Variants in CDYL2 observed in about 807,000 individuals in gnomAD.
The protein encoded by CDYL2 is chromodomain Y like 2, also known as chromodomain Y-like protein 2.
A neutral mutation model predicts 49.4 loss-of-function variants in CDYL2; 23 were observed. The ratio of observed to expected loss-of-function variants is 0.47; its 90% CI spans 0.34 to 0.66. The LOEUF (loss-of-function observed/expected upper bound fraction) is 0.66. CDYL2 is among the 30% of genes least tolerant of loss of function. CDYL2 has a pLI of 0.01. For missense variants in CDYL2, 678 were observed against 656.4 expected (o/e 1.03, Z -0.36); for synonymous variants, 360 against 268.8 (o/e 1.34, Z -3.32).
intron 2 of CDYL2, among the ~76,000 whole-genome samples, chr16:80,637,558 T>A (rs1907893303): frequency 6.6e-6 from 1 of 152,166 alleles, no homozygotes; most frequent in African/African-American, 2.4e-5. Context: ...ACTCCTGAAC[T>A]AATAAGCAAA....
At chr16:80,633,274 G>T (rs769854569) in intron 2 of CDYL2, 38 bp from the exon 3 acceptor site, 170 of 1,585,696 alleles carry the variant, frequency 1.1e-4, no homozygotes, top group Non-Finnish European at 8.6e-6. Flanking sequence ...AAACTGAAAT[G>T]GACCACGATC....
intron 1 of CDYL2, among the ~76,000 whole-genome samples, chr16:80,720,113 G>A (rs536518125): frequency 6.6e-6 from 1 of 152,202 alleles, no homozygotes; most frequent in Admixed American, 6.5e-5. Flanking sequence ...ATGAAACTGG[G>A]AACATAAGAA....
chr16:80,652,608 G>C (rs1454839500), intron 2 of CDYL2, among the ~76,000 whole-genome samples: 1 of 152,120 alleles, frequency 6.6e-6, no homozygotes, highest in Non-Finnish European at 1.5e-5. Flanking sequence ...GTGTGTAGAG[G>C]GGGAGGCGAA....
chr16:80,715,475 G>C (rs943250719), intron 1 of CDYL2, among the ~76,000 whole-genome samples: 5 of 152,124 alleles, frequency 3.3e-5, no homozygotes, highest in Non-Finnish European at 5.9e-5. Flanking sequence ...GAATGTCTTT[G>C]CAAGACATTT....
chr16:80,787,589 C>T (rs527258289), intron 1 of CDYL2, among the ~76,000 whole-genome samples: 2 of 151,934 alleles, frequency 1.3e-5, no homozygotes, highest in African/African-American at 2.4e-5. Flanking sequence ...AAAATATGTT[C>T]GTTCTCTCTC....
intron 4 of CDYL2, among the ~76,000 whole-genome samples, chr16:80,614,019 T>C (rs1906717064): frequency 1.3e-5 from 2 of 152,210 alleles, no homozygotes; most frequent in Admixed American, 1.3e-4. Flanking sequence ...CCTAACTATT[T>C]GCTTGTTTTT....
At chr16:80,675,203 T>C (rs1055185828) in intron 2 of CDYL2, among the ~76,000 whole-genome samples, 3 of 152,176 alleles carry the variant, frequency 2.0e-5, no homozygotes, top group Non-Finnish European at 4.4e-5. Context: ...GAAGTACCTT[T>C]CTTCATTTAC....
chr16:80,706,467 C>A (rs946645249), intron 1 of CDYL2, among the ~76,000 whole-genome samples: 1 of 152,210 alleles, frequency 6.6e-6, no homozygotes, highest in Non-Finnish European at 1.5e-5. Context: ...CCCCACTTCT[C>A]CCATCTGAAC....
intron 1 of CDYL2, among the ~76,000 whole-genome samples, chr16:80,787,230 T>A (rs538555461): frequency 6.6e-6 from 1 of 152,240 alleles, no homozygotes; most frequent in Admixed American, 6.5e-5. Context: ...GTGCCTTGAA[T>A]GGCAGCAGGG....
intron 1 of CDYL2, among the ~76,000 whole-genome samples, chr16:80,760,923 T>C (rs1255450415): frequency 2.0e-5 from 3 of 152,086 alleles, no homozygotes; most frequent in African/African-American, 7.2e-5. Context: ...TAAGGGCCGG[T>C]GCGTCTGTGG....
intron 1 of CDYL2, among the ~76,000 whole-genome samples, chr16:80,795,391 G>C (rs1384541718): frequency 6.6e-6 from 1 of 152,134 alleles, no homozygotes; most frequent in Non-Finnish European, 1.5e-5. Context: ...AAGAGAAACT[G>C]GGACATAAAA....
chr16:80,668,474 A>C (rs1909362883), intron 2 of CDYL2, among the ~76,000 whole-genome samples: 1 of 151,332 alleles, frequency 6.6e-6, no homozygotes, highest in Admixed American at 6.6e-5. Context: ...TATATAATAT[A>C]TGGTATGTAA....
chr16:80,624,383 G>C (rs1907214248), intron 3 of CDYL2, among the ~76,000 whole-genome samples: 1 of 152,170 alleles, frequency 6.6e-6, no homozygotes, highest in South Asian at 2.1e-4. Context: ...TGGATTTGAA[G>C]TTCTGAGTTA....
intron 4 of CDYL2, among the ~76,000 whole-genome samples, chr16:80,618,110 C>A (rs1012460801): frequency 6.6e-6 from 1 of 152,210 alleles, no homozygotes; most frequent in Non-Finnish European, 1.5e-5. Context: ...AACTTCTGCT[C>A]CCTTTGAAGC....
intron 1 of CDYL2, among the ~76,000 whole-genome samples, chr16:80,729,671 C>T (rs543086226): frequency 1.2e-4 from 18 of 152,130 alleles, no homozygotes; most frequent in Non-Finnish European, 2.2e-4. Context: ...CCACACCACA[C>T]CTATTCCAAA....
chr16:80,657,930 A>G (rs1908878415), intron 2 of CDYL2, among the ~76,000 whole-genome samples: 1 of 152,178 alleles, frequency 6.6e-6, no homozygotes, highest in Non-Finnish European at 1.5e-5. Context: ...GAAATAAACT[A>G]CGATGCACCC....
intron 1 of CDYL2, among the ~76,000 whole-genome samples, chr16:80,752,838 C>T (rs1409060672): frequency 2.0e-5 from 3 of 152,142 alleles, no homozygotes; most frequent in African/African-American, 7.2e-5. Context: ...AAGATGTGCA[C>T]AATCAACTCT....
intron 1 of CDYL2, among the ~76,000 whole-genome samples, chr16:80,723,016 C>A (rs1905050426): frequency 6.6e-6 from 1 of 152,202 alleles, no homozygotes; most frequent in Admixed American, 6.5e-5. Context: ...GGGGCCATAA[C>A]CCTTTTCTGC....
chr16:80,622,572 T>C (rs759580494), intron 3 of CDYL2, among the ~76,000 whole-genome samples: 1 of 152,212 alleles, frequency 6.6e-6, no homozygotes, highest in African/African-American at 2.4e-5. Context: ...CTCCAGTGTA[T>C]ACTCAGAGCC....
Sources: gnomAD v4.1 joint callset for allele counts (sites outside exome capture counted in the v4.1 genomes callset) on GRCh38, gnomAD v4.1.1 for gene constraint, MANE v1.5 for transcripts, NCBI Gene and HGNC (gene_info 2026-07-23, HGNC 2026-07-21) for gene names.